Variants in FHOD3 observed in about 807,000 individuals in gnomAD.
The protein encoded by FHOD3 is FH1/FH2 domain-containing protein 3.
Under a neutral mutation model 173.0 loss-of-function variants are expected in FHOD3, and 90 were observed. That is an observed-to-expected ratio of 0.52 (90% CI 0.44 to 0.62). The LOEUF is 0.62. Ranked by LOEUF, FHOD3 falls within the 20% of genes least tolerant of loss-of-function variation. The pLI is 0.00. For synonymous variants in FHOD3, 828 were observed against 823.0 expected (o/e 1.01, Z -0.10); for missense variants, 1,945 against 2,034.7 (o/e 0.96, Z 0.85).
chr18:36,750,743 TC>T (rs1340237298), intron 24 of FHOD3, among the ~76,000 whole-genome samples: 9 of 152,158 alleles, frequency 5.9e-5, no homozygotes, highest in Non-Finnish European at 1.3e-4. Context: ...GAATAGAGAG[TC>T]TTTTCCCCAT....
At chr18:36,543,906 C>G (rs1319926779) in intron 5 of FHOD3, among the ~76,000 whole-genome samples, 1 of 152,202 alleles carries the variant, frequency 6.6e-6, no homozygotes, top group Non-Finnish European at 1.5e-5. Flanking sequence ...GCGGTAGAAG[C>G]TAGGAACTTC....
intron 16 of FHOD3, among the ~76,000 whole-genome samples, chr18:36,690,141 G>A (rs1166931533): frequency 6.6e-6 from 1 of 152,146 alleles, no homozygotes; most frequent in Non-Finnish European, 1.5e-5. Context: ...ACTGAACTGT[G>A]AGCTCTGTGA....
chr18:36,302,827 A>G (rs2091989711), intron 1 of FHOD3, among the ~76,000 whole-genome samples: 1 of 152,254 alleles, frequency 6.6e-6, no homozygotes, highest in African/African-American at 2.4e-5. Flanking sequence ...AGAATGTTGT[A>G]TGAACAGCTA....
rs1309741206 is a variant in FHOD3 at position 36,602,724 on chromosome 18, G to C, written c.769G>C (p.Val257Leu). The C allele has an allele frequency of 6.2e-7, 1 of 1,614,216 alleles. No homozygotes were observed. The highest frequency in any genetic ancestry group is 1.1e-5 in the South Asian group (1 of 91,088). Residue 257 changes from valine (V) to leucine (L), a missense_variant, in exon 8 of 29, where the codon GTT (valine) becomes CTT (leucine). Val to Leu is a conservative substitution (Grantham distance 32). Coordinates refer to ENST00000590592, the MANE Select transcript of FHOD3 (RefSeq NM_001281740.3). The part of the protein sequence containing the change: ...IMEILEEKDG[V>L]DTELLVYAMT... The stretch of plus-strand genomic sequence containing the variant: ...GGAAATCCTGGAGGAAAAAGATGGA[G>C]TTGATACGGAGCTACTGGTTTATGC...
intron 3 of FHOD3, among the ~76,000 whole-genome samples, chr18:36,408,344 G>A (rs773085863): frequency 2.0e-5 from 3 of 152,162 alleles, no homozygotes; most frequent in African/African-American, 4.8e-5. Flanking sequence ...GGGTGTGTAG[G>A]GCAGGTCCTG....
intron 3 of FHOD3, among the ~76,000 whole-genome samples, chr18:36,486,788 C>T (rs552377742): frequency 6.6e-6 from 1 of 152,258 alleles, no homozygotes; most frequent in South Asian, 2.1e-4. Flanking sequence ...CCATAGTTTC[C>T]TTCATGTATT....
chr18:36,438,102 T>C (rs2050917834), intron 3 of FHOD3, among the ~76,000 whole-genome samples: 1 of 152,166 alleles, frequency 6.6e-6, no homozygotes, highest in South Asian at 2.1e-4. Context: ...GTTAGGAACC[T>C]CCATGAAGAC....
At chr18:36,312,168 C>T (rs2092273198) in intron 1 of FHOD3, among the ~76,000 whole-genome samples, 1 of 152,216 alleles carries the variant, frequency 6.6e-6, no homozygotes, top group Admixed American at 6.5e-5. Flanking sequence ...CTCACAGCAG[C>T]AATTGCTGTT....
intron 5 of FHOD3, among the ~76,000 whole-genome samples, chr18:36,560,552 T>G (rs2058047970): frequency 6.6e-6 from 1 of 152,194 alleles, no homozygotes; most frequent in Non-Finnish European, 1.5e-5. Flanking sequence ...TCCTGACCAT[T>G]GCAGTGCTCT....
chr18:36,693,509 G>T, intron 17 of FHOD3, 86 bp downstream of exon 17: 1 of 1,223,014 alleles, frequency 8.2e-7, no homozygotes, highest in South Asian at 1.4e-5. Flanking sequence ...TCAACCTGCA[G>T]GCTAATACTG....
At chr18:36,356,453 A>G (rs1455872412) in intron 2 of FHOD3, among the ~76,000 whole-genome samples, 1 of 152,182 alleles carries the variant, frequency 6.6e-6, no homozygotes, top group African/African-American at 2.4e-5. Flanking sequence ...TAGATTACTG[A>G]AATAGCCCCT....
chr18:36,489,448 TCACAA>T (rs1407563160), intron 3 of FHOD3, among the ~76,000 whole-genome samples: 1 of 152,130 alleles, frequency 6.6e-6, no homozygotes, highest in Non-Finnish European at 1.5e-5. Flanking sequence ...ACTCCTGTAA[TCACAA>T]CACAAGCCAA....
chr18:36,495,120 T>G (rs1028045371), intron 3 of FHOD3, among the ~76,000 whole-genome samples: 10 of 152,070 alleles, frequency 6.6e-5, no homozygotes, highest in Non-Finnish European at 1.5e-5. Context: ...TATTTTTTTT[T>G]TGTAGAGGCA....
chr18:36,736,243 C>A (rs1409427545), intron 20 of FHOD3, among the ~76,000 whole-genome samples: 1 of 152,234 alleles, frequency 6.6e-6, no homozygotes, highest in African/African-American at 2.4e-5. Flanking sequence ...ACCCCTGACA[C>A]CCCACAGGGC....
At chr18:36,641,452 T>C (rs2035300177) in intron 10 of FHOD3, among the ~76,000 whole-genome samples, 1 of 152,248 alleles carries the variant, frequency 6.6e-6, no homozygotes, top group African/African-American at 2.4e-5. Context: ...AATTCCATCT[T>C]GTCCCTTACT....
At chr18:36,672,522 C>A (rs553911960) in intron 14 of FHOD3, among the ~76,000 whole-genome samples, 1 of 152,202 alleles carries the variant, frequency 6.6e-6, no homozygotes, top group Non-Finnish European at 1.5e-5. Flanking sequence ...CAGACTTGTT[C>A]AAATGGCAGT....
In FHOD3 at chr18:36,755,198, A is replaced by G. The variant is rs757359096; in HGVS notation, c.4312A>G (p.Ile1438Val). 3 of 1,612,874 alleles carry G rather than the reference A, an allele frequency of 1.9e-6. No homozygotes were observed. Among genetic ancestry groups the G allele is most frequent in the South Asian group, 1.1e-5 (1 of 90,956 alleles). ...GAACATAAACAAATTCTGCAGGATT[A>G]TTAGTGAATTTGCACTAGAGTATCG... is the stretch of plus-strand genomic sequence containing the variant. ...EVNINKFCRI[I>V]SEFALEYRTT... Residue 1438 changes from isoleucine to valine, a missense_variant, in exon 25 of 29, where the codon ATT becomes GTT. Transcript: ENST00000590592.
At position 36,718,397 on chromosome 18, in the gene FHOD3, G is replaced by A. The variant is rs764159902; in HGVS notation, c.3099G>A (p.Pro1033=). ...CCCCACCCACCTTTCTGGGTTTGCC[G>A]CCCCCACCCCCTCCGCCCCTGTTGG... is the stretch of plus-strand genomic sequence containing the variant. ...PPPPPTFLGL[P]PPPPPPLLDS... is the part of the protein sequence containing the mutation. The change falls in exon 19 of 29, where the codon CCG becomes CCA. Residue 1033 remains proline (P), a synonymous_variant. Coordinates refer to ENST00000590592, the MANE Select transcript of FHOD3 (RefSeq NM_001281740.3). 1.6e-5 allele frequency: 20 copies of A among 1,226,488 alleles called. No homozygotes were observed. The highest frequency in any genetic ancestry group is 8.3e-5 in the Admixed American group (2 of 24,016). The allele number at this position is 1,226,488 out of a possible 1,614,324, so 76.0% of individuals were successfully genotyped here.
chr18:36,604,661 A>T (rs2030403954), intron 8 of FHOD3, among the ~76,000 whole-genome samples: 2 of 152,236 alleles, frequency 1.3e-5, no homozygotes, highest in African/African-American at 4.8e-5. Flanking sequence ...GGAAGAAAAA[A>T]AAGAGAGAGA....
Sources: allele counts gnomAD v4.1 joint callset (sites outside exome capture counted in the v4.1 genomes callset), GRCh38; gene constraint gnomAD v4.1.1; transcripts MANE v1.5; gene names NCBI Gene and HGNC (gene_info 2026-07-23, HGNC 2026-07-21).